PRELID2: variants seen among roughly 807,000 people sequenced by gnomAD.
The protein encoded by PRELID2 is PRELI domain-containing protein 2.
A neutral mutation model predicts 28.4 loss-of-function variants in PRELID2; 25 were observed. That is an observed-to-expected ratio of 0.88 (90% confidence interval 0.64 to 1.23). PRELID2 has a LOEUF of 1.23. Among genes scored for constraint, PRELID2 ranks in the 50% most tolerant of loss-of-function variants. The probability of loss-of-function intolerance (pLI) is 0.00; values close to 1 mark genes in which losing one functional copy is unlikely to be tolerated. For missense variants in PRELID2, 201 were observed against 214.4 expected (o/e 0.94, Z 0.39); for synonymous variants, 76 against 71.6 (o/e 1.06, Z -0.31).
chr5:145,574,156 T>C (rs1009355027), intron 1 of PRELID2, among the ~76,000 whole-genome samples: 6 of 152,152 alleles, frequency 3.9e-5, no homozygotes, highest in Admixed American at 2.6e-4. Flanking sequence ...ATTGCTGCTC[T>C]TGGGAAGAAC....
chr5:145,447,601 C>G, the PRELID2 span, among the ~76,000 whole-genome samples: 1 of 127,600 alleles, frequency 7.8e-6, no homozygotes, highest in African/African-American at 3.0e-5. Context: ...AGGTATATCT[C>G]CCGATGCTAT....
chr5:145,560,617 G>C (rs1159906549), intron 1 of PRELID2, among the ~76,000 whole-genome samples: 1 of 152,186 alleles, frequency 6.6e-6, no homozygotes, highest in Admixed American at 6.5e-5. Context: ...GTCAGCCAGG[G>C]AACCCAGTGA....
chr5:145,833,034 C>A (rs993994848), intron 1 of PRELID2, among the ~76,000 whole-genome samples: 3 of 152,134 alleles, frequency 2.0e-5, no homozygotes, highest in African/African-American at 7.2e-5. Flanking sequence ...TACACACCAT[C>A]AGTTCCATGA....
chr5:145,449,863 C>T, the PRELID2 span, among the ~76,000 whole-genome samples: 1 of 152,086 alleles, frequency 6.6e-6, no homozygotes, highest in African/African-American at 2.4e-5. Context: ...TAACACATCC[C>T]TGTATCTGCA....
chr5:145,573,945 C>T (rs1230031670), intron 1 of PRELID2, among the ~76,000 whole-genome samples: 2 of 152,028 alleles, frequency 1.3e-5, no homozygotes, highest in African/African-American at 2.4e-5. Flanking sequence ...AAAGGGGTCA[C>T]CAGAGATGTC....
chr5:145,309,144 C>G, the PRELID2 span, among the ~76,000 whole-genome samples: 1 of 152,212 alleles, frequency 6.6e-6, no homozygotes, highest in African/African-American at 2.4e-5. Flanking sequence ...GTGTTTGATG[C>G]CTGAGGTCTT....
At chr5:145,732,917 A>C (rs1487860789) in intron 1 of PRELID2, among the ~76,000 whole-genome samples, 2 of 152,066 alleles carry the variant, frequency 1.3e-5, no homozygotes, top group Non-Finnish European at 2.9e-5. Context: ...GAAGAGAATA[A>C]TAACTCAACT....
chr5:145,823,236 A>G (rs891928258), intron 1 of PRELID2, 102 bp from the exon 2 acceptor site: 12 of 590,636 alleles, frequency 2.0e-5, no homozygotes, highest in Non-Finnish European at 3.7e-5. Flanking sequence ...ATATTTTCCA[A>G]GAAACTTCTA....
intron 1 of PRELID2, among the ~76,000 whole-genome samples, chr5:145,740,836 T>A (rs1245476233): frequency 3.5e-5 from 4 of 113,988 alleles, no homozygotes; most frequent in African/African-American, 1.4e-4. Flanking sequence ...AAATATATAT[T>A]TATCGATAAA....
intron 1 of PRELID2, among the ~76,000 whole-genome samples, chr5:145,615,313 A>G (rs1351810753): frequency 7.8e-6 from 1 of 128,246 alleles, no homozygotes; most frequent in Non-Finnish European, 1.6e-5. Context: ...GTGTTATGTG[A>G]GTCTCTTTTT....
the PRELID2 span, among the ~76,000 whole-genome samples, chr5:145,384,983 A>G: frequency 2.6e-5 from 4 of 152,260 alleles, no homozygotes; most frequent in Non-Finnish European, 4.4e-5. Flanking sequence ...TACACAAACT[A>G]TATCATAATA....
chr5:145,424,750 T>A, the PRELID2 span, among the ~76,000 whole-genome samples: 2 of 151,950 alleles, frequency 1.3e-5, no homozygotes, highest in African/African-American at 4.8e-5. Context: ...CTCCTCCCCA[T>A]CCATATACAA....
chr5:145,285,629 G>A, the PRELID2 span, among the ~76,000 whole-genome samples: 1 of 152,084 alleles, frequency 6.6e-6, no homozygotes, highest in Non-Finnish European at 1.5e-5. Flanking sequence ...GCTCCAGCAA[G>A]AAAACAACAA....
chr5:145,337,964 G>A, the PRELID2 span: 2 of 151,718 alleles, frequency 1.3e-5, no homozygotes. Flanking sequence ...ATTTAATTTT[G>A]TTTGTCAATT....
At chr5:145,768,905 G>GGA (rs1180294370) in intron 5 of PRELID2, among the ~76,000 whole-genome samples, 1 of 151,906 alleles carries the variant, frequency 6.6e-6, no homozygotes, top group Non-Finnish European at 1.5e-5. Flanking sequence ...ATGGCGGCAG[G>GGA]GAGAGAGAGG....
chr5:145,708,204 C>A (rs923274724), intron 1 of PRELID2, among the ~76,000 whole-genome samples: 13 of 151,584 alleles, frequency 8.6e-5, no homozygotes, highest in Non-Finnish European at 1.8e-4. Flanking sequence ...ATATGTTGGG[C>A]TTCAGAGTAA....
chr5:145,815,798 A>G (rs1754261602), intron 4 of PRELID2, among the ~76,000 whole-genome samples: 1 of 152,226 alleles, frequency 6.6e-6, no homozygotes, highest in African/African-American at 2.4e-5. Flanking sequence ...ATTGGGCTAC[A>G]TATTTATCAG....
the PRELID2 span, among the ~76,000 whole-genome samples, chr5:145,463,408 A>C: frequency 3.4e-5 from 5 of 147,768 alleles, no homozygotes; most frequent in East Asian, 9.9e-4. Context: ...CTTTTACAAT[A>C]GTTTACCATG....
At chr5:145,365,551 A>G in the PRELID2 span, among the ~76,000 whole-genome samples, 1 of 151,964 alleles carries the variant, frequency 6.6e-6, no homozygotes, top group Non-Finnish European at 1.5e-5. Context: ...ATTTTGGCGT[A>G]TGTACCTGCC....
Sources: gnomAD v4.1 joint callset for allele counts (sites outside exome capture counted in the v4.1 genomes callset) on GRCh38, gnomAD v4.1.1 for gene constraint, MANE v1.5 for transcripts, NCBI Gene and HGNC (gene_info 2026-07-23, HGNC 2026-07-21) for gene names.